The following TXK variants were observed in gnomAD, a reference collection of about 807,000 sequenced individuals.
The protein encoded by TXK is tyrosine-protein kinase TXK.
TXK carries 60 observed loss-of-function variants against 81.0 expected under a neutral mutation model. That is an observed-to-expected ratio of 0.74 (90% CI 0.60 to 0.92). The LOEUF is 0.92. Among genes scored for constraint, TXK ranks in the 40% least tolerant of loss-of-function variants. The probability of loss-of-function intolerance (pLI) is 0.00; values close to 1 mark genes in which losing one functional copy is unlikely to be tolerated. For synonymous variants in TXK, 203 were observed against 210.7 expected, an observed-to-expected ratio of 0.96 and a Z score of 0.32; for missense variants, 581 against 638.3, an observed-to-expected ratio of 0.91 and a Z score of 0.97.
At chr4:48,121,378 AATCTTAGTCATCCTTG>A (rs1718956733) in intron 1 of TXK, among the ~76,000 whole-genome samples, 1 of 152,166 alleles carries the variant, frequency 6.6e-6, no homozygotes, top group African/African-American at 2.4e-5. Context: ...TCAGGTAAAT[AATCTTAGTCATCCTTG>A]ACTCCTCTCT....
intron 7 of TXK, 60 bp downstream of exon 7, chr4:48,095,083 T>C (rs987527478): frequency 4.4e-6 from 6 of 1,350,626 alleles, no homozygotes; most frequent in South Asian, 2.4e-5. Flanking sequence ...TAACATTCTC[T>C]ATGTGATGGA....
At position 48,076,426 on chromosome 4, in the gene TXK, T is replaced by TGAACTGACCAAACATG; in HGVS notation, c.1213_1214insCATGTTTGGTCAGTTC (p.Lys405ThrfsTer19). On this transcript the variant is annotated frameshift_variant, in exon 12 of 15. Transcript: ENST00000264316. LOFTEE classifies it high-confidence loss of function. ...CCTTGTCATTCCAAAGTCTGAAATTTTTACTATGCATGTTGAACTGACCAA... is the reference window on the plus strand; with the variant it reads ...CCTTGTCATTCCAAAGTCTGAAATTTGAACTGACCAAACATGTTACTATGCATGTTGAACTGACCAA... 1.9e-6 allele frequency: 3 copies of TGAACTGACCAAACATG among 1,612,986 alleles called. No individual in the cohort carries two copies. Among genetic ancestry groups the TGAACTGACCAAACATG allele is most frequent in the Non-Finnish European group, 2.5e-6 (3 of 1,179,644 alleles).
chr4:48,069,136 G>C (rs1716731339), intron 14 of TXK, among the ~76,000 whole-genome samples: 1 of 151,980 alleles, frequency 6.6e-6, no homozygotes, highest in Non-Finnish European at 1.5e-5. Context: ...CCCATCTCTA[G>C]AAAAAATTTT....
chr4:48,120,869 G>GA (rs11445034), intron 1 of TXK, among the ~76,000 whole-genome samples: 60,215 of 147,406 alleles, frequency 0.41, 13,046 homozygotes, highest in East Asian at 0.65. Flanking sequence ...ACCACTTCTA[G>GA]AAAAAAAAAA....
chr4:48,120,133 A>G (rs1323975094), intron 1 of TXK, among the ~76,000 whole-genome samples: 1 of 139,422 alleles, frequency 7.2e-6, no homozygotes, highest in Non-Finnish European at 1.5e-5. Flanking sequence ...ATATGTATAT[A>G]CATGTGTATA....
chr4:48,107,899 TAAAA>T (rs57715867), intron 5 of TXK, among the ~76,000 whole-genome samples: 2 of 128,798 alleles, frequency 1.6e-5, no homozygotes, highest in African/African-American at 3.5e-5. Flanking sequence ...TGTCTCTACT[TAAAA>T]AAAAAAAAAA....
At chr4:48,105,624 C>T (rs60450073) in intron 5 of TXK, among the ~76,000 whole-genome samples, 5,413 of 152,174 alleles carry the variant, frequency 0.036, 327 homozygotes, top group African/African-American at 0.12. Flanking sequence ...CCAATACCCA[C>T]CATTACACAA....
At position 48,071,561 on chromosome 4, in the gene TXK, C is replaced by T. The variant is rs1188178413; in HGVS notation, c.1471G>A (p.Ala491Thr). The change falls in exon 14 of 15, where the codon GCA becomes ACA. Residue 491 changes from alanine to threonine, a missense_variant. Coordinates refer to ENST00000264316, the MANE Select transcript of TXK (RefSeq NM_003328.3). ...ATGACTTCATATATGGACATTGGTG[C>T]CAGGTGAGGGCGATATAGCCTGAAG... ...EGFRLYRPHL[A>T]PMSIYEVMYS... The T allele has an allele frequency of 6.8e-6, 11 of 1,613,980 alleles. No homozygotes were observed. Among genetic ancestry groups the T allele is most frequent in the Non-Finnish European group, 9.3e-6 (11 of 1,180,012 alleles).
rs542010179 is a variant in TXK at position 48,074,128 on chromosome 4, C to T, written c.1239-75G>A. On this transcript the variant is annotated intron_variant, in intron 12 of 14. Coordinates refer to ENST00000264316, the MANE Select transcript of TXK (RefSeq NM_003328.3). ...ATTTACTTCAAATCCCTTTAGTTAA[C>T]TCTAAGTTGCTAAAAGACAAAGTAT... The T allele has an allele frequency of 7.7e-4, 874 of 1,140,536 alleles. 2 individuals carry two copies. The highest frequency in any genetic ancestry group is 1.1e-3 in the Non-Finnish European group (821 of 775,700). The allele number at this position is 1,140,536 out of a possible 1,614,324, so 70.7% of individuals were successfully genotyped here. A position where few individuals can be genotyped will look rare whatever the true frequency, so the allele number is the denominator to read the frequency against.
At chr4:48,097,972 C>G (rs1042484078) in intron 6 of TXK, among the ~76,000 whole-genome samples, 1 of 151,974 alleles carries the variant, frequency 6.6e-6, no homozygotes, top group Non-Finnish European at 1.5e-5. Flanking sequence ...TGGTCTCGAT[C>G]TCCTCACCTT....
intron 5 of TXK, among the ~76,000 whole-genome samples, chr4:48,107,831 G>C (rs191055382): frequency 6.6e-6 from 1 of 151,356 alleles, no homozygotes; most frequent in Non-Finnish European, 1.5e-5. Flanking sequence ...GGGAGGTAGA[G>C]GCGGGCGGAT....
chr4:48,113,349 TACAAAA>T, intron 2 of TXK, 40 bp from the exon 3 acceptor site: 11 of 1,501,098 alleles, frequency 7.3e-6, no homozygotes, highest in Non-Finnish European at 1.0e-5. Context: ...TAATTATTTG[TACAAAA>T]GTTATCTATA....
chr4:48,103,615 A>T (rs1210959693), intron 6 of TXK, among the ~76,000 whole-genome samples: 1 of 152,242 alleles, frequency 6.6e-6, no homozygotes, highest in African/African-American at 2.4e-5. Flanking sequence ...AATGACACAC[A>T]TACTCTTACC....
intron 9 of TXK, 96 bp from the exon 10 acceptor site, chr4:48,086,733 G>C: frequency 8.5e-7 from 1 of 1,177,740 alleles, no homozygotes; most frequent in East Asian, 2.5e-5. Flanking sequence ...ATTTGACAGA[G>C]AGGTTAAAAA....
In TXK at chr4:48,067,423, TAA is replaced by T; in HGVS notation, c.*212_*213del. On this transcript the variant is annotated 3_prime_UTR_variant, in exon 15 of 15. Transcript: ENST00000264316. ...GGATGTGAAATATTTTACAGAAAAA[TAA>T]GAGTGTGCAAATCCCTCTCACACAT... 1.9e-6 allele frequency: 1 copy of T among 513,624 alleles called. No individual in the cohort carries two copies. Among genetic ancestry groups the T allele is most frequent in the Admixed American group, 3.6e-5 (1 of 27,622 alleles). 31.8% of individuals were successfully genotyped at this position (513,624 alleles called of 1,614,324 possible).
chr4:48,102,566 T>C (rs1718238814), intron 6 of TXK, among the ~76,000 whole-genome samples: 1 of 152,250 alleles, frequency 6.6e-6, no homozygotes, highest in Admixed American at 6.5e-5. Flanking sequence ...CCGTTTTGAA[T>C]CATGTTTTGA....
intron 10 of TXK, among the ~76,000 whole-genome samples, chr4:48,084,075 T>C (rs1437463857): frequency 6.6e-6 from 1 of 152,180 alleles, no homozygotes; most frequent in Non-Finnish European, 1.5e-5. Context: ...TGCCTCACTT[T>C]TTTAGAAATC....
Position 48,094,070 on chromosome 4 carries a change from C to G in TXK, c.709+7G>C. 6.2e-7 allele frequency: 1 copy of G among 1,613,228 alleles called. No homozygotes were observed. Among genetic ancestry groups the G allele is most frequent in the Non-Finnish European group, 8.5e-7 (1 of 1,180,030 alleles). On this transcript the variant is annotated splice_region_variant and intron_variant, in intron 8 of 14. Transcript: ENST00000264316. The stretch of plus-strand genomic sequence containing the variant: ...CTGACTCACCCAGCTGGAAGTTCCC[C>G]TCTTACCGGCTGCATTGTGCTGGTG...
chr4:48,105,155 G>A (rs908217709), intron 5 of TXK, among the ~76,000 whole-genome samples, 200 bp from the exon 6 acceptor site: 3 of 151,916 alleles, frequency 2.0e-5, no homozygotes, highest in Admixed American at 2.0e-4. Context: ...TCAATATCTA[G>A]TTTATTCTAT....
Sources: gnomAD v4.1 joint callset for allele counts (sites outside exome capture counted in the v4.1 genomes callset) on GRCh38, gnomAD v4.1.1 for gene constraint, MANE v1.5 for transcripts, NCBI Gene and HGNC (gene_info 2026-07-23, HGNC 2026-07-21) for gene names.